UNC5D: variants seen among roughly 807,000 people sequenced by gnomAD.
UNC5D encodes netrin receptor UNC5D.
UNC5D carries 39 observed loss-of-function variants against 105.4 expected under a neutral mutation model. The ratio of observed to expected loss-of-function variants is 0.37; its 90% confidence interval spans 0.29 to 0.48. The LOEUF (loss-of-function observed/expected upper bound fraction) is 0.48. Ranked by LOEUF, UNC5D falls within the 20% of genes least tolerant of loss-of-function variation. UNC5D has a pLI of 0.98. For synonymous variants in UNC5D, 452 were observed against 450.4 expected (o/e 1.00, Z -0.04); for missense variants, 991 against 1,202.4 (o/e 0.82, Z 2.60).
chr8:35,758,884 A>G (rs1012415496), intron 13 of UNC5D, among the ~76,000 whole-genome samples: 3 of 152,212 alleles, frequency 2.0e-5, no homozygotes, highest in Non-Finnish European at 4.4e-5. Context: ...GCATTAGTGA[A>G]GAAAAATTGA....
intron 1 of UNC5D, among the ~76,000 whole-genome samples, chr8:35,498,562 C>T (rs1811764170): frequency 1.3e-5 from 2 of 152,044 alleles, no homozygotes; most frequent in African/African-American, 4.8e-5. Context: ...GAACAGGAAA[C>T]TGGATGCTCC....
chr8:35,761,181 C>A (rs1215870564), intron 14 of UNC5D, among the ~76,000 whole-genome samples: 1 of 152,134 alleles, frequency 6.6e-6, no homozygotes, highest in Non-Finnish European at 1.5e-5. Context: ...AGTTTCTAGT[C>A]CAAATTGAAC....
intron 1 of UNC5D, among the ~76,000 whole-genome samples, chr8:35,270,848 C>T (rs1805229005): frequency 6.9e-6 from 1 of 145,022 alleles, no homozygotes; most frequent in South Asian, 2.3e-4. Flanking sequence ...CAACTTATGT[C>T]ACTGTACTTG....
chr8:35,558,177 G>A (rs925139040), intron 2 of UNC5D, among the ~76,000 whole-genome samples: 5 of 151,146 alleles, frequency 3.3e-5, no homozygotes. Flanking sequence ...AGCTCCTTGA[G>A]GGTAGGTATC....
rs916351108 is a variant in UNC5D, at chr8:35,340,677, C to T, written c.103+104790C>T. Among the ~76,000 whole-genome samples, 4 of 152,234 alleles carry T rather than the reference C, an allele frequency of 2.6e-5. No individual in the cohort carries two copies. The East Asian group carries it at 7.7e-4, about 29-fold the overall frequency. On this transcript the variant is annotated intron_variant, in intron 1 of 16. Transcript: ENST00000404895. The stretch of plus-strand genomic sequence containing the variant: ...TATATGACTGGGAGAAGAAACTGAA[C>T]ATGTACCCACTGTGTGCAAAGCATG...
At chr8:35,549,588 G>C in intron 2 of UNC5D, 78 bp downstream of exon 2, 1 of 1,370,942 alleles carries the variant, frequency 7.3e-7, no homozygotes. Context: ...GGAAAGACTG[G>C]AAATCACCCC....
intron 15 of UNC5D, among the ~76,000 whole-genome samples, chr8:35,774,006 G>A (rs938233031): frequency 2.6e-5 from 4 of 152,180 alleles, no homozygotes; most frequent in African/African-American, 4.8e-5. Flanking sequence ...TTACAAGCAT[G>A]AGCCACTGTG....
chr8:35,712,875 C>A (rs868523196), intron 8 of UNC5D, among the ~76,000 whole-genome samples: 23 of 152,324 alleles, frequency 1.5e-4, no homozygotes, highest in African/African-American at 4.6e-4. Flanking sequence ...GCTCTAACCA[C>A]TGTCTCAAAC....
At chr8:35,306,560 T>C (rs1364349560) in intron 1 of UNC5D, among the ~76,000 whole-genome samples, 1 of 152,150 alleles carries the variant, frequency 6.6e-6, no homozygotes, top group Non-Finnish European at 1.5e-5. Flanking sequence ...GAGTGAACTT[T>C]ATTTTTGTCT....
At chr8:35,266,230 C>G (rs1023891440) in intron 1 of UNC5D, among the ~76,000 whole-genome samples, 7 of 152,022 alleles carry the variant, frequency 4.6e-5, no homozygotes, top group African/African-American at 7.2e-5. Flanking sequence ...GATAATTATC[C>G]ACATACCACT....
At chr8:35,289,767 A>G (rs2128859835) in intron 1 of UNC5D, among the ~76,000 whole-genome samples, 1 of 152,272 alleles carries the variant, frequency 6.6e-6, no homozygotes. Flanking sequence ...AGACATATAA[A>G]TGGCCAATAG....
At chr8:35,445,305 G>A (rs117945718) in intron 1 of UNC5D, among the ~76,000 whole-genome samples, 3,077 of 152,118 alleles carry the variant, frequency 0.02, 47 homozygotes, top group Non-Finnish European at 0.029. Flanking sequence ...TTGAAAAGGA[G>A]TTAACAAAAT....
chr8:35,374,616 G>T (rs894505840), intron 1 of UNC5D, among the ~76,000 whole-genome samples: 1 of 152,076 alleles, frequency 6.6e-6, no homozygotes, highest in East Asian at 1.9e-4. Context: ...GCTCCCAAAT[G>T]CTTATTTGTT....
chr8:35,792,827 T>A lies in UNC5D; in HGVS notation c.*2264T>A. 1 of 340,188 alleles carries A rather than the reference T, an allele frequency of 2.9e-6. No individual in the cohort carries two copies. Among genetic ancestry groups the A allele is most frequent in the South Asian group, 2.4e-5 (1 of 41,688 alleles). The allele number at this position is 340,188 out of a possible 1,614,324, so 21.1% of individuals were successfully genotyped here. On this transcript the variant is annotated 3_prime_UTR_variant, in exon 17 of 17. Coordinates refer to ENST00000404895, the MANE Select transcript of UNC5D (RefSeq NM_080872.4). ...TACTCTGTGAATCTACATAGGTCTT[T>A]TTTTTTAGATGTTTGATACATTTTA...
chr8:35,458,330 C>T (rs1391670788), intron 1 of UNC5D, among the ~76,000 whole-genome samples: 1 of 152,064 alleles, frequency 6.6e-6, no homozygotes, highest in Admixed American at 6.6e-5. Context: ...ATCATTAGGA[C>T]AGGCTCTACA....
intron 1 of UNC5D, among the ~76,000 whole-genome samples, chr8:35,294,853 A>G (rs530575943): frequency 3.4e-4 from 51 of 152,210 alleles, no homozygotes; most frequent in African/African-American, 1.1e-3. Context: ...GGGAACACTC[A>G]GCATCACTAG....
At chr8:35,369,604 G>C (rs1802315300) in intron 1 of UNC5D, among the ~76,000 whole-genome samples, 1 of 152,104 alleles carries the variant, frequency 6.6e-6, no homozygotes, top group Non-Finnish European at 1.5e-5. Context: ...TAGTCTAGTT[G>C]GCCATGTCCA....
intron 1 of UNC5D, among the ~76,000 whole-genome samples, chr8:35,452,743 T>G (rs1050195279): frequency 6.6e-6 from 1 of 152,148 alleles, no homozygotes; most frequent in African/African-American, 2.4e-5. Flanking sequence ...AGAAGGACAT[T>G]ACATAGAAAA....
At chr8:35,312,308 A>G (rs1446791197) in intron 1 of UNC5D, among the ~76,000 whole-genome samples, 2 of 152,192 alleles carry the variant, frequency 1.3e-5, no homozygotes, top group African/African-American at 2.4e-5. Flanking sequence ...AGCATTCACT[A>G]CCATTTGAAA....
Sources: gnomAD v4.1 joint callset for allele counts (sites outside exome capture counted in the v4.1 genomes callset) on GRCh38, gnomAD v4.1.1 for gene constraint, MANE v1.5 for transcripts, NCBI Gene and HGNC (gene_info 2026-07-23, HGNC 2026-07-21) for gene names.